Variants in PAPOLG observed in about 807,000 individuals in gnomAD.
PAPOLG encodes poly(A) polymerase gamma.
PAPOLG carries 40 observed loss-of-function variants against 99.0 expected under a neutral mutation model. The observed-to-expected ratio is 0.40, with a 90% CI of 0.31 to 0.53. The LOEUF is 0.53. PAPOLG is among the 20% of genes least tolerant of loss of function. PAPOLG has a pLI of 0.41. For synonymous variants in PAPOLG, 310 were observed against 299.3 expected, an observed-to-expected ratio of 1.04 and a Z score of -0.37; for missense variants, 675 against 884.1, an observed-to-expected ratio of 0.76 and a Z score of 3.00.
rs896029661 is a variant in PAPOLG at position 60,800,183 on chromosome 2, T to A, written c.*3023T>A. On this transcript the variant is annotated 3_prime_UTR_variant, in exon 22 of 22. Coordinates refer to ENST00000238714, the MANE Select transcript of PAPOLG (RefSeq NM_022894.4). ...CTGGGACAGGAGAATTATTATTTTT[T>A]TATTTTTTATTTTTTTATGAAGACA... is the stretch of plus-strand genomic sequence containing the variant. 11 of 152,290 alleles carry A rather than the reference T, an allele frequency of 7.2e-5. No individual in the cohort carries two copies. The highest frequency in any genetic ancestry group is 2.4e-4 in the African/African-American group (10 of 41,562). 9.4% of individuals were successfully genotyped at this position (152,290 alleles called of 1,614,324 possible). A position where few individuals can be genotyped will look rare whatever the true frequency, so the allele number is the denominator to read the frequency against.
chr2:60,797,270 C>T lies in PAPOLG; in HGVS notation c.*110C>T. ...CATACGTGAAATAAGGTGAAAGTGACAGCCTTCAGTCTAATAACCTTGAAG... is the reference window on the plus strand; with the variant it reads ...CATACGTGAAATAAGGTGAAAGTGATAGCCTTCAGTCTAATAACCTTGAAG... On this transcript the variant is annotated 3_prime_UTR_variant, in exon 22 of 22. Transcript: ENST00000238714. 1.5e-6 allele frequency: 2 copies of T among 1,359,510 alleles called. No homozygotes were observed. Among genetic ancestry groups the T allele is most frequent in the South Asian group, 1.2e-5 (1 of 81,476 alleles). 84.2% of individuals were successfully genotyped at this position (1,359,510 alleles called of 1,614,324 possible). A position where few individuals can be genotyped will look rare whatever the true frequency, so the allele number is the denominator to read the frequency against.
At chr2:60,774,955 G>T in intron 7 of PAPOLG, 79 bp from the exon 8 acceptor site, 1 of 1,582,786 alleles carries the variant, frequency 6.3e-7, no homozygotes. Flanking sequence ...TAGCATTCGA[G>T]AGTCTGGAAG....
At chr2:60,787,685 A>G (rs2103814308) in intron 15 of PAPOLG, 65 bp downstream of exon 15, 2 of 1,566,630 alleles carry the variant, frequency 1.3e-6, no homozygotes, top group East Asian at 2.3e-5. Flanking sequence ...TCATCTGCCT[A>G]CAATCTGGCT....
intron 3 of PAPOLG, among the ~76,000 whole-genome samples, chr2:60,766,340 C>G (rs1187515805): frequency 6.6e-6 from 1 of 152,112 alleles, no homozygotes; most frequent in East Asian, 1.9e-4. Context: ...AGAGGTGGAA[C>G]TTGAAGTGAA....
rs995664944 is a variant in PAPOLG, at chr2:60,762,646, A to G, written c.246+839A>G. Among the ~76,000 whole-genome samples the G allele has an allele frequency of 2.0e-5, 3 of 149,626 alleles. 1 individual carries two copies. The highest frequency in any genetic ancestry group is 2.0e-4 in the East Asian group (1 of 5,116). On this transcript the variant is annotated intron_variant, in intron 3 of 21. Transcript: ENST00000238714. The stretch of plus-strand genomic sequence containing the variant: ...GTTTAAATTTTTTTTTCTTTTTTTG[A>G]GATGGAATCTCCCTCTTTGGCCAAG...
intron 3 of PAPOLG, among the ~76,000 whole-genome samples, chr2:60,767,072 G>A (rs951932449): frequency 6.6e-6 from 1 of 152,158 alleles, no homozygotes; most frequent in African/African-American, 2.4e-5. Flanking sequence ...TAGAATTAGG[G>A]GAGTAGTCGT....
intron 2 of PAPOLG, 147 bp from the exon 3 acceptor site, chr2:60,761,594 C>T (rs1670522397): frequency 1.6e-6 from 1 of 618,154 alleles, no homozygotes; most frequent in Non-Finnish European, 2.8e-6. Flanking sequence ...AGAGATGGCC[C>T]TGTGTCAGTA....
chr2:60,765,077 A>G (rs919418528), intron 3 of PAPOLG, among the ~76,000 whole-genome samples: 6 of 151,770 alleles, frequency 4.0e-5, no homozygotes, highest in African/African-American at 1.5e-4. Context: ...TGTGTGGGGG[A>G]ATGGGGGAAG....
intron 3 of PAPOLG, among the ~76,000 whole-genome samples, chr2:60,762,099 A>G (rs1038915103): frequency 1.3e-5 from 2 of 152,196 alleles, no homozygotes; most frequent in East Asian, 1.9e-4. Flanking sequence ...GTTTTTATAA[A>G]GTATTAGATC....
At chr2:60,791,644 G>GTGGT in intron 15 of PAPOLG, 117 bp from the exon 16 acceptor site, 1 of 1,228,118 alleles carries the variant, frequency 8.1e-7, no homozygotes, top group Non-Finnish European at 1.1e-6. Flanking sequence ...TTGTGGGTGG[G>GTGGT]TGGGTGGCCG....
intron 21 of PAPOLG, 123 bp from the exon 22 acceptor site, chr2:60,796,939 G>A (rs1398863236): frequency 1.7e-5 from 20 of 1,200,296 alleles, no homozygotes; most frequent in Non-Finnish European, 2.3e-5. Context: ...GCATACTTGA[G>A]TGTTTAGGAG....
In PAPOLG at chr2:60,794,769, A is replaced by C. The variant is rs1573260252; in HGVS notation, c.2049A>C (p.Lys683Asn). The change falls in exon 20 of 22, where the codon AAA (lysine) becomes AAC (asparagine). Residue 683 changes from lysine (K) to asparagine (N), a missense_variant. This residue lies in a region of PAPOLG where 413 missense variants were observed against 460.5 expected (regional missense o/e 0.90). Transcript: ENST00000238714. ...GCACTGCTGAAGAAAGAAAAAGAAA[A>C]TCAGTGGTAAATATATTAATAGTGT... ...DPRTAEERKR[K>N]SVDAIGGESM... is the part of the protein sequence containing the mutation. 1.9e-6 allele frequency: 3 copies of C among 1,605,076 alleles called. No homozygotes were observed. The highest frequency in any genetic ancestry group is 2.6e-6 in the Non-Finnish European group (3 of 1,172,086).
At chr2:60,764,102 C>T (rs1308173766) in intron 3 of PAPOLG, among the ~76,000 whole-genome samples, 3 of 152,190 alleles carry the variant, frequency 2.0e-5, no homozygotes, top group Non-Finnish European at 4.4e-5. Flanking sequence ...CATGCCCTGC[C>T]TCACAATTGA....
intron 8 of PAPOLG, among the ~76,000 whole-genome samples, chr2:60,776,058 C>T (rs11687809): frequency 0.1 from 15,849 of 152,094 alleles, 809 homozygotes; most frequent in Middle Eastern, 0.14. Context: ...CCATCAAGCC[C>T]GGCTCCAAAA....
intron 21 of PAPOLG, 129 bp from the exon 22 acceptor site, chr2:60,796,933 A>T: frequency 2.7e-6 from 3 of 1,130,628 alleles, no homozygotes; most frequent in Non-Finnish European, 3.7e-6. Context: ...TTCATTGCAT[A>T]CTTGAGTGTT....
At chr2:60,786,029 T>C (rs1671351805) in intron 13 of PAPOLG, among the ~76,000 whole-genome samples, 1 of 152,208 alleles carries the variant, frequency 6.6e-6, no homozygotes, top group South Asian at 2.1e-4. Flanking sequence ...TACTAACTTG[T>C]CATTTACTAC....
At position 60,769,717 on chromosome 2, in the gene PAPOLG, T is replaced by C. The variant is rs145806822; in HGVS notation, c.439-741T>C. Among the ~76,000 whole-genome samples the C allele has an allele frequency of 1.1e-4, 16 of 152,338 alleles. 1 individual carries two copies. In the East Asian group the frequency reaches 1.7e-3, roughly 17 times the overall value. On this transcript the variant is annotated intron_variant, in intron 5 of 21. Coordinates refer to ENST00000238714, the MANE Select transcript of PAPOLG (RefSeq NM_022894.4). ...AGTTTTCAGTTTAGACTCGAAATTA[T>C]AAGTACCCAGATGATAGCAGGTTTT...
intron 12 of PAPOLG, 33 bp downstream of exon 12, chr2:60,782,803 ATTTT>A: frequency 8.2e-7 from 1 of 1,222,500 alleles, no homozygotes; most frequent in Admixed American, 2.9e-5. Context: ...TATGTATGTG[ATTTT>A]TTTTTTTTTA....
intron 15 of PAPOLG, among the ~76,000 whole-genome samples, chr2:60,788,413 TG>T (rs1423610682): frequency 6.6e-6 from 1 of 152,104 alleles, no homozygotes; most frequent in Non-Finnish European, 1.5e-5. Flanking sequence ...CCTCCACCTC[TG>T]GGGTTCAAGT....
Sources: allele counts gnomAD v4.1 joint callset (sites outside exome capture counted in the v4.1 genomes callset), GRCh38; gene constraint gnomAD v4.1.1; regional missense constraint gnomAD v4.1.1; transcripts MANE v1.5; gene names NCBI Gene and HGNC (gene_info 2026-07-23, HGNC 2026-07-21).